Variants in CSMD1 observed in about 807,000 individuals in gnomAD.
CSMD1 encodes CUB and Sushi multiple domains 1.
Under a neutral mutation model 417.5 loss-of-function variants are expected in CSMD1, and 213 were observed. The observed-to-expected ratio is 0.51, with a 90% confidence interval of 0.46 to 0.57. CSMD1 has a LOEUF of 0.57. CSMD1 is among the 20% of genes least tolerant of loss of function. CSMD1 has a pLI of 0.00. For missense variants in CSMD1, 6,923 were observed against 4,529.7 expected (o/e 1.53, Z -15.17); for synonymous variants, 2,862 against 1,736.8 (o/e 1.65, Z -16.11).
chr8:4,849,351 T>C (rs992533665), intron 1 of CSMD1, among the ~76,000 whole-genome samples: 19 of 152,062 alleles, frequency 1.2e-4, no homozygotes, highest in Middle Eastern at 6.3e-3. Flanking sequence ...GTGAAGTTAA[T>C]TTAATAAACT....
chr8:3,187,988 T>C, intron 35 of CSMD1, 23 bp from the exon 36 acceptor site: 1 of 1,596,982 alleles, frequency 6.3e-7, no homozygotes, highest in Non-Finnish European at 8.6e-7. Flanking sequence ...GACATTAAGT[T>C]AATATTTATT....
At chr8:4,385,922 A>G (rs964122184) in intron 3 of CSMD1, among the ~76,000 whole-genome samples, 4 of 152,196 alleles carry the variant, frequency 2.6e-5, no homozygotes, top group Admixed American at 2.6e-4. Flanking sequence ...GGAATTCCAG[A>G]GTTTCTCACC....
intron 12 of CSMD1, among the ~76,000 whole-genome samples, chr8:3,459,158 C>T (rs1414499752): frequency 2.6e-5 from 4 of 152,192 alleles, no homozygotes; most frequent in South Asian, 2.1e-4. Flanking sequence ...TGAGAGGACA[C>T]GTGATCTGGA....
intron 5 of CSMD1, among the ~76,000 whole-genome samples, chr8:3,857,126 G>C (rs1301893319): frequency 2.0e-5 from 3 of 152,042 alleles, no homozygotes; most frequent in African/African-American, 2.4e-5. Context: ...AAGTAACTAA[G>C]ACAAAGTTGT....
At chr8:4,690,771 C>A (rs1473976076) in intron 1 of CSMD1, among the ~76,000 whole-genome samples, 1 of 152,152 alleles carries the variant, frequency 6.6e-6, no homozygotes, top group South Asian at 2.1e-4. Context: ...ACTCTGTCAC[C>A]AGGCTGGAGT....
intron 26 of CSMD1, among the ~76,000 whole-genome samples, chr8:3,264,960 C>T (rs1056554805): frequency 1.3e-5 from 2 of 152,118 alleles, no homozygotes; most frequent in Non-Finnish European, 2.9e-5. Context: ...ACGATGAATG[C>T]TGCTAAGTAT....
intron 8 of CSMD1, among the ~76,000 whole-genome samples, chr8:3,608,173 C>CAAAAAA (rs5888975): frequency 1.0e-5 from 1 of 97,346 alleles, no homozygotes; most frequent in Non-Finnish European, 2.1e-5. Flanking sequence ...GAAGCCATCT[C>CAAAAAA]AAAAAAAAAA....
intron 37 of CSMD1, 60 bp from the exon 38 acceptor site, chr8:3,162,337 G>C: frequency 9.0e-7 from 1 of 1,112,788 alleles, no homozygotes; most frequent in South Asian, 1.3e-5. Flanking sequence ...CTTATCATTT[G>C]AATAACCAAA....
chr8:4,328,777 G>C (rs1799700896), intron 3 of CSMD1, among the ~76,000 whole-genome samples: 1 of 152,128 alleles, frequency 6.6e-6, no homozygotes. Flanking sequence ...TTAGCAATCT[G>C]ACAAAGTATT....
At chr8:3,104,108 A>C (rs1198063610) in intron 46 of CSMD1, among the ~76,000 whole-genome samples, 1 of 152,136 alleles carries the variant, frequency 6.6e-6, no homozygotes, top group Non-Finnish European at 1.5e-5. Context: ...TTCTCAGCTA[A>C]GATCACCTTT....
intron 36 of CSMD1, among the ~76,000 whole-genome samples, chr8:3,186,053 G>A (rs1225852688): frequency 6.7e-5 from 10 of 149,848 alleles, no homozygotes; most frequent in African/African-American, 1.5e-4. Flanking sequence ...AAAAAAAAGT[G>A]TGACTTTTTT....
chr8:4,367,604 G>A (rs1320454367), intron 3 of CSMD1, among the ~76,000 whole-genome samples: 2 of 152,178 alleles, frequency 1.3e-5, no homozygotes, highest in East Asian at 3.9e-4. Context: ...TGTAAAAAAT[G>A]ACATTGGTAC....
intron 23 of CSMD1, among the ~76,000 whole-genome samples, chr8:3,339,289 A>T (rs1169845709): frequency 6.6e-6 from 1 of 152,094 alleles, no homozygotes; most frequent in Non-Finnish European, 1.5e-5. Context: ...CCATTTTCAC[A>T]GGCCCTTCAC....
rs1388510737 is a variant in CSMD1 at position 3,347,997 on chromosome 8, G to A, written c.3469C>T (p.Leu1157=). The A allele has an allele frequency of 4.4e-6, 7 of 1,586,176 alleles. No homozygotes were observed. The highest frequency in any genetic ancestry group is 6.0e-6 in the Non-Finnish European group (7 of 1,167,318). Residue 1157 remains leucine (L), a synonymous_variant, in exon 22 of 70, where the codon CTA becomes TTA. Transcript: ENST00000635120. ...TTGGAGAAGATTCTTTTTACCTTTA[G>A]AGTATCTCCTTCAAACAGCTGGAAG... ...RSFQLFEGDT[L]KVYDGKDSSS...
intron 8 of CSMD1, among the ~76,000 whole-genome samples, chr8:3,589,303 C>G (rs1331803189): frequency 6.6e-6 from 1 of 151,922 alleles, no homozygotes; most frequent in Non-Finnish European, 1.5e-5. Context: ...GTCACTGCAG[C>G]GTTACTCACA....
At chr8:3,677,525 C>A (rs1029266584) in intron 7 of CSMD1, among the ~76,000 whole-genome samples, 2 of 152,118 alleles carry the variant, frequency 1.3e-5, no homozygotes, top group African/African-American at 4.8e-5. Context: ...CAGGTGTCCC[C>A]AGGGTGGCTG....
intron 5 of CSMD1, among the ~76,000 whole-genome samples, chr8:3,940,582 A>C: frequency 6.6e-6 from 1 of 151,428 alleles, no homozygotes; most frequent in African/African-American, 2.4e-5. Context: ...GGTATTCAAG[A>C]ACAACAACAA....
rs138672888 is a variant in CSMD1 at position 4,346,008 on chromosome 8, A to C, written c.415+73945T>G. 1.6e-3 allele frequency among the ~76,000 whole-genome samples: 250 copies of C among 152,258 alleles called. 3 individuals are homozygous for C. In the East Asian group the frequency reaches 0.045, roughly 27 times the overall value. Reference sequence around the variant, plus strand: ...AATTTCAGTAGTTCACATTAGTATAAAATAACGGAATATTACATTCTTATT... The same window carrying C: ...AATTTCAGTAGTTCACATTAGTATACAATAACGGAATATTACATTCTTATT... On this transcript the variant is annotated intron_variant, in intron 3 of 69. Transcript: ENST00000635120.
At chr8:4,209,422 G>T (rs930197640) in intron 3 of CSMD1, among the ~76,000 whole-genome samples, 1 of 152,086 alleles carries the variant, frequency 6.6e-6, no homozygotes, top group African/African-American at 2.4e-5. Flanking sequence ...AATTGTATGA[G>T]GTGTGAACTC....
Sources: gnomAD v4.1 joint callset for allele counts (sites outside exome capture counted in the v4.1 genomes callset) on GRCh38, gnomAD v4.1.1 for gene constraint, MANE v1.5 for transcripts, NCBI Gene and HGNC (gene_info 2026-07-23, HGNC 2026-07-21) for gene names.